RALY: variants seen among roughly 807,000 people sequenced by gnomAD.
RALY encodes RALY heterogeneous nuclear ribonucleoprotein.
Under a neutral mutation model 30.7 loss-of-function variants are expected in RALY, and 15 were observed. The observed-to-expected ratio is 0.49, with a 90% CI of 0.33 to 0.75. RALY has a LOEUF of 0.75. Among genes scored for constraint, RALY ranks in the 30% least tolerant of loss-of-function variants. The pLI, the probability that RALY is intolerant of heterozygous loss-of-function variation, is 0.02. For synonymous variants in RALY, 177 were observed against 170.8 expected, an observed-to-expected ratio of 1.04 and a Z score of -0.28; for missense variants, 339 against 414.3, an observed-to-expected ratio of 0.82 and a Z score of 1.58.
chr20:34,057,311 T>C (rs919924276), intron 2 of RALY, among the ~76,000 whole-genome samples: 4 of 152,180 alleles, frequency 2.6e-5, no homozygotes, highest in Non-Finnish European at 5.9e-5. Flanking sequence ...GGTAATTTCA[T>C]ATAATAAACA....
At position 34,081,080 on chromosome 20, in the gene RALY, C is replaced by T. The variant is rs562324800; in HGVS notation, c.*1175C>T. The T allele has an allele frequency of 2.0e-5, 3 of 152,366 alleles. No homozygotes were observed. The highest frequency in any genetic ancestry group is 2.1e-4 in the South Asian group (1 of 4,830). The allele number at this position is 152,366 out of a possible 1,614,324, so 9.4% of individuals were successfully genotyped here. A position where few individuals can be genotyped will look rare whatever the true frequency, so the allele number is the denominator to read the frequency against. On this transcript the variant is annotated 3_prime_UTR_variant, in exon 10 of 10. Transcript: ENST00000246194. ...CATTGTGTACTGCTAATGTCACCTA[C>T]TTCCCCCTTCATTCCCCACAATGAA...
At chr20:34,036,696 A>C (rs1457601559) in intron 2 of RALY, among the ~76,000 whole-genome samples, 1 of 152,200 alleles carries the variant, frequency 6.6e-6, no homozygotes, top group Non-Finnish European at 1.5e-5. Flanking sequence ...AAAATTACTA[A>C]TTCAAATGTC....
At chr20:34,029,458 AAGG>A (rs1296615288) in intron 1 of RALY, among the ~76,000 whole-genome samples, 3 of 112,696 alleles carry the variant, frequency 2.7e-5, no homozygotes, top group South Asian at 3.4e-4. Context: ...GAAAGGAAGA[AAGG>A]AGGGAGGGAG....
At chr20:34,010,664 C>T (rs185139362) in intron 1 of RALY, among the ~76,000 whole-genome samples, 1 of 152,210 alleles carries the variant, frequency 6.6e-6, no homozygotes. Flanking sequence ...CCTGATTTTC[C>T]AGATAAAGAG....
intron 2 of RALY, among the ~76,000 whole-genome samples, chr20:34,056,878 G>C (rs751671788): frequency 6.6e-6 from 1 of 152,220 alleles, no homozygotes; most frequent in South Asian, 2.1e-4. Flanking sequence ...TGTTGCCAGA[G>C]CCAATAAAAT....
chr20:34,010,118 A>AT (rs2031336467), intron 1 of RALY, among the ~76,000 whole-genome samples: 1 of 152,160 alleles, frequency 6.6e-6, no homozygotes, highest in Admixed American at 6.5e-5. Context: ...TCAAGTTGGC[A>AT]TTTTTTGCAA....
chr20:34,029,833 C>G (rs549349370), intron 1 of RALY: 1 of 152,554 alleles, frequency 6.6e-6, no homozygotes, highest in South Asian at 2.1e-4. Flanking sequence ...GCCCCCCGCA[C>G]CCTCAATCCC....
intron 1 of RALY, among the ~76,000 whole-genome samples, chr20:33,998,076 C>G (rs555423920): frequency 2.6e-5 from 4 of 152,338 alleles, no homozygotes; most frequent in African/African-American, 9.6e-5. Flanking sequence ...GATTGTCTTT[C>G]TTTGGATACC....
rs528146830 is a variant in RALY, at chr20:34,041,857, G to A, written c.-10+10253G>A. Among the ~76,000 whole-genome samples, 9 of 152,258 alleles carry A rather than the reference G, an allele frequency of 5.9e-5. No individual in the cohort carries two copies. In the South Asian group the frequency reaches 1.9e-3, roughly 32 times the overall value. On this transcript the variant is annotated intron_variant, in intron 2 of 9. Transcript: ENST00000246194. ...CAGTGGCTCATGCCTGTAATTGCCA[G>A]CACTTTGGGAGGCTGAGGCGGGTGG...
intron 2 of RALY, among the ~76,000 whole-genome samples, chr20:34,046,873 G>A (rs1015571289): frequency 7.0e-6 from 1 of 143,792 alleles, no homozygotes; most frequent in Admixed American, 7.2e-5. Flanking sequence ...AGGCTGGAGT[G>A]CAATGGTGTG....
At chr20:34,069,434 C>A (rs1308106230) in intron 2 of RALY, among the ~76,000 whole-genome samples, 1 of 152,088 alleles carries the variant, frequency 6.6e-6, no homozygotes, top group African/African-American at 2.4e-5. Context: ...GCTTGTGGCT[C>A]CCAGTAGAGG....
At chr20:34,075,825 C>T (rs763476615) in intron 5 of RALY, 49 bp from the exon 6 acceptor site, 1 of 1,575,748 alleles carries the variant, frequency 6.3e-7, no homozygotes, top group Admixed American at 1.8e-5. Context: ...CAATACCGCC[C>T]TGGTGGCCAC....
At position 34,002,020 on chromosome 20, in the gene RALY, G is replaced by T. The variant is rs368514615; in HGVS notation, c.-93+7889G>T. Among the ~76,000 whole-genome samples, 112 of 152,260 alleles carry T rather than the reference G, an allele frequency of 7.4e-4. 3 individuals are homozygous for T. The highest frequency in any genetic ancestry group is 3.4e-3 in the Middle Eastern group (1 of 294). ...CTGACCTGGTGATCTGCCCACCTCGGCCTCTCAAAGTGCTGGGATTACAGG... is the reference window on the plus strand; with the variant it reads ...CTGACCTGGTGATCTGCCCACCTCGTCCTCTCAAAGTGCTGGGATTACAGG... On this transcript the variant is annotated intron_variant, in intron 1 of 9. Coordinates refer to ENST00000246194, the MANE Select transcript of RALY (RefSeq NM_016732.3).
intron 1 of RALY, among the ~76,000 whole-genome samples, chr20:34,021,302 G>C (rs1469455181): frequency 6.6e-6 from 1 of 152,134 alleles, no homozygotes; most frequent in East Asian, 1.9e-4. Flanking sequence ...TGCTGTAACA[G>C]AATACCATAG....
chr20:34,014,690 AT>A (rs2031540223), intron 1 of RALY, among the ~76,000 whole-genome samples: 2 of 152,218 alleles, frequency 1.3e-5, no homozygotes, highest in Admixed American at 6.5e-5. Flanking sequence ...AAAATTAAAA[AT>A]TTTAAAATTA....
At chr20:33,996,673 G>A (rs1302828666) in intron 1 of RALY, among the ~76,000 whole-genome samples, 1 of 151,726 alleles carries the variant, frequency 6.6e-6, no homozygotes, top group South Asian at 2.1e-4. Context: ...CCATTTAACC[G>A]TTTCAAAGTG....
At chr20:34,025,304 TCTCTC>T (rs1222560360) in intron 1 of RALY, among the ~76,000 whole-genome samples, 86 of 70,374 alleles carry the variant, frequency 1.2e-3, no homozygotes, top group African/African-American at 4.6e-3. Context: ...TCTCTCTCTC[TCTCTC>T]TTTTTTTTTT....
intron 1 of RALY, among the ~76,000 whole-genome samples, chr20:34,024,766 C>T (rs1568661947): frequency 6.6e-6 from 1 of 152,038 alleles, no homozygotes; most frequent in Non-Finnish European, 1.5e-5. Context: ...GTTGTGAGGT[C>T]ATTTTTTTTA....
chr20:34,016,138 C>T (rs767450682), intron 1 of RALY, among the ~76,000 whole-genome samples: 6 of 152,292 alleles, frequency 3.9e-5, no homozygotes, highest in Non-Finnish European at 7.4e-5. Context: ...TGCCACACAC[C>T]GAGTACCACA....
Sources: gnomAD v4.1 joint callset for allele counts (sites outside exome capture counted in the v4.1 genomes callset) on GRCh38, gnomAD v4.1.1 for gene constraint, MANE v1.5 for transcripts, NCBI Gene and HGNC (gene_info 2026-07-23, HGNC 2026-07-21) for gene names.